The following PLSCR4 variants were observed in gnomAD, a reference collection of about 807,000 sequenced individuals.
PLSCR4 encodes Ca(2+)-dependent phospholipid scramblase 4.
PLSCR4 carries 25 observed loss-of-function variants against 36.3 expected under a neutral mutation model. The ratio of observed to expected loss-of-function variants is 0.69; its 90% CI spans 0.50 to 0.96. PLSCR4 has a LOEUF of 0.96. PLSCR4 is among the 40% of genes least tolerant of loss of function. The pLI, the probability that PLSCR4 is intolerant of heterozygous loss-of-function variation, is 0.00. For missense variants in PLSCR4, 408 were observed against 414.7 expected, an observed-to-expected ratio of 0.98 and a Z score of 0.14; for synonymous variants, 122 against 132.9, an observed-to-expected ratio of 0.92 and a Z score of 0.56.
At position 146,192,413 on chromosome 3, in the gene PLSCR4, TTTG is replaced by T; in HGVS notation, c.*1995_*1997del. 6.6e-6 allele frequency: 1 copy of T among 151,050 alleles called. No individual in the cohort carries two copies. Among genetic ancestry groups the T allele is most frequent in the South Asian group, 2.1e-4 (1 of 4,808 alleles). 9.4% of individuals were successfully genotyped at this position (151,050 alleles called of 1,614,324 possible). On this transcript the variant is annotated 3_prime_UTR_variant, in exon 9 of 9. Coordinates refer to ENST00000354952, the MANE Select transcript of PLSCR4 (RefSeq NM_020353.3). Reference sequence around the variant, plus strand: ...GCATGAACGCACAAATTCCAGAGAATTTGTTTTTTAATCAATCCGATCAATTTT... The same window carrying T: ...GCATGAACGCACAAATTCCAGAGAATTTTTTTAATCAATCCGATCAATTTT...
chr3:146,239,418 A>T (rs13069526), intron 1 of PLSCR4, among the ~76,000 whole-genome samples: 3 of 152,034 alleles, frequency 2.0e-5, no homozygotes, highest in Non-Finnish European at 4.4e-5. Flanking sequence ...TCCAGAAACA[A>T]ATCTTTGCAT....
In PLSCR4 at chr3:146,196,651, C is replaced by T; in HGVS notation, c.767G>A (p.Gly256Asp). ...VRGPCSTYGCGSDSVFEVKSL... is the reference protein window; with the variant it reads ...VRGPCSTYGCDSDSVFEVKSL... ...TTTCACCTCAAAAACAGAATCTGAA[C>T]CACAGCCATAGGTTGAGCATGGCCC... The change falls in exon 7 of 9, where the codon GGT becomes GAT. Residue 256 changes from glycine to aspartate, a missense_variant. Coordinates refer to ENST00000354952, the MANE Select transcript of PLSCR4 (RefSeq NM_020353.3). The T allele has an allele frequency of 6.2e-7, 1 of 1,613,884 alleles. No homozygotes were observed. Among genetic ancestry groups the T allele is most frequent in the East Asian group, 2.2e-5 (1 of 44,858 alleles).
At chr3:146,236,899 C>G (rs1036199404) in intron 1 of PLSCR4, among the ~76,000 whole-genome samples, 8 of 152,000 alleles carry the variant, frequency 5.3e-5, no homozygotes, top group African/African-American at 1.4e-4. Flanking sequence ...CATGTATACA[C>G]TAATAAGAAG....
At chr3:146,194,476 A>T in intron 8 of PLSCR4, 21 bp from the exon 9 acceptor site, 2 of 1,419,742 alleles carry the variant, frequency 1.4e-6, no homozygotes, top group South Asian at 2.3e-5. Context: ...AAAAAGAATT[A>T]TATGTAGATA....
chr3:146,250,044 C>T (rs771769825), intron 1 of PLSCR4, among the ~76,000 whole-genome samples: 2 of 152,176 alleles, frequency 1.3e-5, no homozygotes, highest in African/African-American at 2.4e-5. Flanking sequence ...AAGGTATACA[C>T]TCACATCATG....
intron 6 of PLSCR4, among the ~76,000 whole-genome samples, chr3:146,197,727 A>G (rs2033823570): frequency 6.6e-6 from 1 of 152,168 alleles, no homozygotes; most frequent in African/African-American, 2.4e-5. Context: ...AAAAGCCCAA[A>G]GTGAAAATTT....
chr3:146,213,176 T>C (rs2034712847), intron 3 of PLSCR4, among the ~76,000 whole-genome samples: 1 of 152,104 alleles, frequency 6.6e-6, no homozygotes, highest in Admixed American at 6.6e-5. Flanking sequence ...GATATGATCT[T>C]TAGTTTTCTT....
At chr3:146,220,691 T>A in intron 3 of PLSCR4, 124 bp downstream of exon 3, 1 of 676,498 alleles carries the variant, frequency 1.5e-6, no homozygotes, top group Non-Finnish European at 2.6e-6. Context: ...TGTGGCACCC[T>A]ATTGGCATCC....
In PLSCR4 at chr3:146,205,624, G is replaced by A. The variant is rs772054558; in HGVS notation, c.354+902C>T. On this transcript the variant is annotated intron_variant, in intron 4 of 8. Coordinates refer to ENST00000354952, the MANE Select transcript of PLSCR4 (RefSeq NM_020353.3). ...GTATACTATGGATAACATCTACAGC[G>A]TGGATACACTGGACAAAGGAATGAT... 4.6e-5 allele frequency among the ~76,000 whole-genome samples: 7 copies of A among 152,154 alleles called. No individual in the cohort carries two copies. In the East Asian group the frequency reaches 5.8e-4, roughly 13 times the overall value.
intron 1 of PLSCR4, among the ~76,000 whole-genome samples, chr3:146,243,246 T>C (rs1390257719): frequency 2.6e-5 from 4 of 152,154 alleles, no homozygotes; most frequent in African/African-American, 9.7e-5. Flanking sequence ...ATCTTTTTTT[T>C]TATTATACTT....
At chr3:146,246,884 A>T (rs940690290) in intron 1 of PLSCR4, among the ~76,000 whole-genome samples, 10 of 152,158 alleles carry the variant, frequency 6.6e-5, no homozygotes, top group African/African-American at 2.4e-4. Flanking sequence ...TACACAATAC[A>T]TTTATACAAA....
chr3:146,224,885 ACGTCCCCATCAGATTAGT>A (rs2035374339), intron 1 of PLSCR4, among the ~76,000 whole-genome samples: 1 of 144,258 alleles, frequency 6.9e-6, no homozygotes, highest in Non-Finnish European at 1.6e-5. Context: ...AAGGTTCTCC[ACGTCCCCATCAGATTAGT>A]TAGATACAGA....
intron 3 of PLSCR4, among the ~76,000 whole-genome samples, chr3:146,211,004 A>C (rs1242434364): frequency 3.3e-5 from 5 of 151,930 alleles, no homozygotes; most frequent in Non-Finnish European, 7.4e-5. Flanking sequence ...GGTTGCTTTC[A>C]CTCTGGGCTA....
chr3:146,231,462 T>C (rs968084336), intron 1 of PLSCR4, among the ~76,000 whole-genome samples: 6 of 152,236 alleles, frequency 3.9e-5, no homozygotes, highest in African/African-American at 1.2e-4. Flanking sequence ...GATGAACTAA[T>C]TGACATTCCC....
At chr3:146,220,741 C>T (rs3762686) in intron 3 of PLSCR4, 74 bp downstream of exon 3, 8 of 890,174 alleles carry the variant, frequency 9.0e-6, no homozygotes, top group Middle Eastern at 2.1e-4. Flanking sequence ...TTAATTTGTT[C>T]GCTTAAAAAG....
chr3:146,208,450 A>T (rs545321927), intron 3 of PLSCR4, among the ~76,000 whole-genome samples: 2 of 152,320 alleles, frequency 1.3e-5, no homozygotes, highest in South Asian at 4.1e-4. Flanking sequence ...TAAACTAAAG[A>T]GCTTTTGCAC....
At chr3:146,246,518 A>C (rs1001762776) in intron 1 of PLSCR4, among the ~76,000 whole-genome samples, 9 of 152,082 alleles carry the variant, frequency 5.9e-5, no homozygotes, top group African/African-American at 1.9e-4. Flanking sequence ...TATTAAATAT[A>C]TTAATTTAGT....
intron 4 of PLSCR4, among the ~76,000 whole-genome samples, chr3:146,206,070 T>G (rs1365546859): frequency 6.6e-6 from 1 of 152,060 alleles, no homozygotes; most frequent in Admixed American, 6.6e-5. Context: ...ATATTGTTTG[T>G]TTTTGGGGGT....
At chr3:146,228,222 T>C (rs544355489) in intron 1 of PLSCR4, among the ~76,000 whole-genome samples, 4 of 152,218 alleles carry the variant, frequency 2.6e-5, no homozygotes, top group Admixed American at 2.0e-4. Context: ...ACTTGCATTA[T>C]TACTACTATT....
Sources: allele counts gnomAD v4.1 joint callset (sites outside exome capture counted in the v4.1 genomes callset), GRCh38; gene constraint gnomAD v4.1.1; transcripts MANE v1.5; gene names NCBI Gene and HGNC (gene_info 2026-07-23, HGNC 2026-07-21).